Variants in ZNF589 observed in about 807,000 individuals in gnomAD.
ZNF589 encodes zinc finger protein 589.
Under a neutral mutation model 13.6 loss-of-function variants are expected in ZNF589, and 17 were observed. The ratio of observed to expected loss-of-function variants is 1.25; its 90% CI spans 0.86 to 1.88. ZNF589 has a LOEUF of 1.88. Ranked by LOEUF, ZNF589 falls within the 40% of genes most tolerant of loss-of-function variation. The probability of loss-of-function intolerance (pLI) is 0.00; values close to 1 mark genes in which losing one functional copy is unlikely to be tolerated. For missense variants in ZNF589, 407 were observed against 434.0 expected, an observed-to-expected ratio of 0.94 and a Z score of 0.55; for synonymous variants, 148 against 161.6, an observed-to-expected ratio of 0.92 and a Z score of 0.64.
chr3:48,268,027 A>G lies in ZNF589; in HGVS notation c.336A>G (p.Ala112=). 1 of 1,614,204 alleles carries G rather than the reference A, an allele frequency of 6.2e-7. No homozygotes were observed. Among genetic ancestry groups the G allele is most frequent in the Non-Finnish European group, 8.5e-7 (1 of 1,180,048 alleles). The change falls in exon 4 of 4, where the codon GCA becomes GCG. Residue 112 remains alanine, a synonymous_variant. Coordinates refer to ENST00000354698, the MANE Select transcript of ZNF589 (RefSeq NM_016089.3). ...LHNHPIPGFH[A]GNQLHPGNPC... is the part of the protein sequence containing the mutation. ...ATCATCCTATTCCAGGTTTCCATGC[A>G]GGAAATCAACTCCACCCAGGAAATC...
At chr3:48,249,781 A>G (rs1470946824) in intron 2 of ZNF589, among the ~76,000 whole-genome samples, 2 of 152,218 alleles carry the variant, frequency 1.3e-5, no homozygotes, top group African/African-American at 4.8e-5. Context: ...TTAAACATTT[A>G]TCGTTTCTTT....
At chr3:48,244,054 G>A (rs910857651) in intron 1 of ZNF589, among the ~76,000 whole-genome samples, 3 of 152,148 alleles carry the variant, frequency 2.0e-5, no homozygotes, top group Non-Finnish European at 2.9e-5. Context: ...GTGGTCTCAT[G>A]CTGGGGAGAG....
chr3:48,241,224 G>A lies in ZNF589; in HGVS notation c.43+10G>A, dbSNP rs1019726871. ...GGCTGGACTGCGGAAGGTGAGTCGGGGCCGCGAGATCGCCTCCCCCATTCG... is the reference window on the plus strand; with the variant it reads ...GGCTGGACTGCGGAAGGTGAGTCGGAGCCGCGAGATCGCCTCCCCCATTCG... On this transcript the variant is annotated intron_variant, in intron 1 of 3. Transcript: ENST00000354698. 1.1e-5 allele frequency: 17 copies of A among 1,610,904 alleles called. No homozygotes were observed. In the Admixed American group the frequency reaches 1.7e-4, roughly 16 times the overall value.
intron 3 of ZNF589, among the ~76,000 whole-genome samples, chr3:48,265,759 G>A (rs1165652503): frequency 6.6e-6 from 1 of 151,892 alleles, no homozygotes; most frequent in Non-Finnish European, 1.5e-5. Flanking sequence ...CTTGCCTGAC[G>A]ATTAAATAAA....
chr3:48,241,184 CG>C lies in ZNF589; in HGVS notation c.16del (p.Glu6SerfsTer30). On this transcript the variant is annotated frameshift_variant, in exon 1 of 4. Transcript: ENST00000354698. LOFTEE classifies it high-confidence loss of function. MWAP[R>X]EQLLGWTAEA... ...CGTGCGCGCGCAGATGTGGGCCCCG[CG>C]GGAGCAGCTACTGGGCTGGACTGCG... 1 of 1,613,572 alleles carries C rather than the reference CG, an allele frequency of 6.2e-7. No homozygotes were observed. The highest frequency in any genetic ancestry group is 8.5e-7 in the Non-Finnish European group (1 of 1,179,900).
At chr3:48,261,938 C>A (rs1327039614) in intron 3 of ZNF589, among the ~76,000 whole-genome samples, 2 of 152,180 alleles carry the variant, frequency 1.3e-5, no homozygotes, top group Non-Finnish European at 2.9e-5. Context: ...TATGCTCATA[C>A]ATTTTGTTGA....
chr3:48,260,893 A>T lies in ZNF589; in HGVS notation c.177A>T (p.Leu59=), dbSNP rs372246921. ...WKRLSLEQRN[L]YKEVMLENLR... is the part of the protein sequence containing the mutation. ...GACTGAGCCTTGAGCAGAGGAACCT[A>T]TACAAAGAAGTGATGCTGGAAAATC... The change falls in exon 3 of 4, where the codon CTA becomes CTT. Residue 59 remains leucine (L), a synonymous_variant. Transcript: ENST00000354698. 6.2e-7 allele frequency: 1 copy of T among 1,614,204 alleles called. No individual in the cohort carries two copies. The highest frequency in any genetic ancestry group is 8.5e-7 in the Non-Finnish European group (1 of 1,180,030).
At chr3:48,248,572 C>A (rs2033797374) in intron 2 of ZNF589, among the ~76,000 whole-genome samples, 1 of 152,094 alleles carries the variant, frequency 6.6e-6, no homozygotes, top group Non-Finnish European at 1.5e-5. Context: ...TTTGCTATAC[C>A]AGAAATTTAA....
At chr3:48,253,030 C>T (rs538242643) in intron 2 of ZNF589, among the ~76,000 whole-genome samples, 2 of 151,350 alleles carry the variant, frequency 1.3e-5, no homozygotes, top group Non-Finnish European at 2.9e-5. Flanking sequence ...ATAATCTGGG[C>T]GTTTTTTATT....
intron 1 of ZNF589, among the ~76,000 whole-genome samples, chr3:48,246,215 G>C (rs1015425765): frequency 6.6e-6 from 1 of 152,036 alleles, no homozygotes; most frequent in African/African-American, 2.4e-5. Flanking sequence ...GTTGAGGTGG[G>C]AGGATCACTT....
intron 2 of ZNF589, among the ~76,000 whole-genome samples, chr3:48,259,960 A>G (rs2033951624): frequency 6.6e-6 from 1 of 151,784 alleles, no homozygotes. Context: ...TAGGAGTGTC[A>G]TGGAATACCC....
intron 2 of ZNF589, among the ~76,000 whole-genome samples, chr3:48,249,458 T>A (rs1381086533): frequency 6.6e-6 from 1 of 152,208 alleles, no homozygotes; most frequent in Non-Finnish European, 1.5e-5. Context: ...ACATTTCACC[T>A]CTGAATACTT....
chr3:48,251,396 CA>C (rs113298003), intron 2 of ZNF589, among the ~76,000 whole-genome samples: 510 of 136,778 alleles, frequency 3.7e-3, no homozygotes, highest in African/African-American at 8.4e-3. Flanking sequence ...GACTCCATCT[CA>C]AAAAAAAAAA....
chr3:48,263,316 G>A (rs1457605966), intron 3 of ZNF589, among the ~76,000 whole-genome samples: 3 of 152,106 alleles, frequency 2.0e-5, no homozygotes, highest in Non-Finnish European at 4.4e-5. Context: ...CACCATGTTG[G>A]TCAGGCTGGT....
At chr3:48,244,159 C>T (rs2033734323) in intron 1 of ZNF589, among the ~76,000 whole-genome samples, 1 of 152,258 alleles carries the variant, frequency 6.6e-6, no homozygotes, top group Admixed American at 6.5e-5. Flanking sequence ...TTTTTTCCCA[C>T]CTGCTCAGTG....
Position 48,270,605 on chromosome 3 carries a change from G to T in ZNF589, c.*1819G>T. ...GCCCTACCTGATACCCTGTGTCAATGAGTGTACCTTGGAGAGCTATCCACT... is the reference window on the plus strand; with the variant it reads ...GCCCTACCTGATACCCTGTGTCAATTAGTGTACCTTGGAGAGCTATCCACT... On this transcript the variant is annotated 3_prime_UTR_variant, in exon 4 of 4. Coordinates refer to ENST00000354698, the MANE Select transcript of ZNF589 (RefSeq NM_016089.3). 3.8e-6 allele frequency: 1 copy of T among 263,508 alleles called. No individual in the cohort carries two copies. Among genetic ancestry groups the T allele is most frequent in the Non-Finnish European group, 7.5e-6 (1 of 133,438 alleles). The allele number at this position is 263,508 out of a possible 1,614,324, so 16.3% of individuals were successfully genotyped here.
At chr3:48,250,306 CTTTTTTTT>C (rs34016179) in intron 2 of ZNF589, among the ~76,000 whole-genome samples, 2 of 116,858 alleles carry the variant, frequency 1.7e-5, no homozygotes, top group African/African-American at 3.2e-5. Flanking sequence ...TCTCTACTTT[CTTTTTTTT>C]TTTTTTTTTT....
chr3:48,269,362 G>A lies in ZNF589; in HGVS notation c.*576G>A. On this transcript the variant is annotated 3_prime_UTR_variant, in exon 4 of 4. Transcript: ENST00000354698. Reference sequence around the variant, plus strand: ...CACACTCCAAGGAAAAACCTTATGTGTGCAGCCAGTGTGGGCGAGGCTTTT... The same window carrying A: ...CACACTCCAAGGAAAAACCTTATGTATGCAGCCAGTGTGGGCGAGGCTTTT... The A allele has an allele frequency of 3.4e-6, 3 of 888,376 alleles. No individual in the cohort carries two copies. The highest frequency in any genetic ancestry group is 3.4e-6 in the Non-Finnish European group (2 of 593,670). 55.0% of individuals were successfully genotyped at this position (888,376 alleles called of 1,614,324 possible).
rs148051031 is a variant in ZNF589 at position 48,269,199 on chromosome 3, C to T, written c.*413C>T. 1,282 of 1,153,624 alleles carry T rather than the reference C, an allele frequency of 1.1e-3. 9 individuals are homozygous for T. The African/African-American group carries it at 0.017, about 15-fold the overall frequency. 71.5% of individuals were successfully genotyped at this position (1,153,624 alleles called of 1,614,324 possible). ...TCTGGGGAGAAGCCTTATGCATGCA[C>T]GGAGTGTGGGCAAGGCTTTATCACG... On this transcript the variant is annotated 3_prime_UTR_variant, in exon 4 of 4. Coordinates refer to ENST00000354698, the MANE Select transcript of ZNF589 (RefSeq NM_016089.3).
Sources: gnomAD v4.1 joint callset for allele counts (sites outside exome capture counted in the v4.1 genomes callset) on GRCh38, gnomAD v4.1.1 for gene constraint, MANE v1.5 for transcripts, NCBI Gene and HGNC (gene_info 2026-07-23, HGNC 2026-07-21) for gene names.